Variants in STOX2 observed in about 807,000 individuals in gnomAD.
STOX2 encodes storkhead-box protein 2.
Under a neutral mutation model 60.9 loss-of-function variants are expected in STOX2, and 28 were observed. That is an observed-to-expected ratio of 0.46 (90% CI 0.34 to 0.63). The LOEUF is 0.63. Ranked by LOEUF, STOX2 falls within the 30% of genes least tolerant of loss-of-function variation. STOX2 has a pLI of 0.01. For synonymous variants in STOX2, 472 were observed against 463.9 expected (o/e 1.02, Z -0.22); for missense variants, 1,024 against 1,187.7 (o/e 0.86, Z 2.03).
At chr4:183,946,458 C>A (rs1336518776) in intron 1 of STOX2, among the ~76,000 whole-genome samples, 1 of 152,098 alleles carries the variant, frequency 6.6e-6, no homozygotes, top group African/African-American at 2.4e-5. Context: ...TGAGGATGCT[C>A]AAGTTCCTAG....
intron 1 of STOX2, among the ~76,000 whole-genome samples, chr4:183,892,309 C>T (rs558636246): frequency 9.5e-4 from 144 of 152,288 alleles, no homozygotes; most frequent in African/African-American, 2.9e-3. Flanking sequence ...GACGGAGTCT[C>T]GCTCTGTCGC....
chr4:183,917,405 G>T (rs1214140049), intron 1 of STOX2, among the ~76,000 whole-genome samples: 2 of 152,202 alleles, frequency 1.3e-5, no homozygotes, highest in Non-Finnish European at 2.9e-5. Flanking sequence ...TGGATCTTTG[G>T]TGAAATTATA....
intron 1 of STOX2, among the ~76,000 whole-genome samples, chr4:183,943,184 A>G (rs1342399066): frequency 6.6e-6 from 1 of 152,220 alleles, no homozygotes; most frequent in Non-Finnish European, 1.5e-5. Context: ...ATATTATGGG[A>G]CAGTGACCGT....
intron 1 of STOX2, among the ~76,000 whole-genome samples, chr4:183,837,142 C>T (rs1739730851): frequency 6.6e-6 from 1 of 152,100 alleles, no homozygotes; most frequent in African/African-American, 2.4e-5. Context: ...TTGGAGCTTT[C>T]TCGGGGAGTG....
chr4:183,868,777 G>C (rs1026697085), intron 1 of STOX2, among the ~76,000 whole-genome samples: 1 of 152,186 alleles, frequency 6.6e-6, no homozygotes, highest in Non-Finnish European at 1.5e-5. Flanking sequence ...AACCTCAAAT[G>C]GGTGGAAATA....
Position 184,011,640 on chromosome 4 carries a change from G to C in STOX2, c.2585+217G>C. On this transcript the variant is annotated intron_variant, in intron 3 of 3. Coordinates refer to ENST00000308497, the MANE Select transcript of STOX2 (RefSeq NM_020225.3). This position sits in a 1 kb window ranked among gnomAD's most constrained non-coding sequence, Gnocchi z 4.4. ...AGAGATCACCAATCTGGACTGGTGG[G>C]TTGGCTCCTCCCCTCAAACTTGCAT... The C allele has an allele frequency of 6.6e-7, 1 of 1,504,938 alleles. No homozygotes were observed. Among genetic ancestry groups the C allele is most frequent in the Non-Finnish European group, 8.8e-7 (1 of 1,130,834 alleles). 93.2% of individuals were successfully genotyped at this position (1,504,938 alleles called of 1,614,324 possible). A position where few individuals can be genotyped will look rare whatever the true frequency, so the allele number is the denominator to read the frequency against.
intron 1 of STOX2, among the ~76,000 whole-genome samples, chr4:183,880,825 G>A (rs1462741223): frequency 6.6e-6 from 1 of 152,078 alleles, no homozygotes; most frequent in Non-Finnish European, 1.5e-5. Flanking sequence ...ACATTGTGGG[G>A]TAATATTTTT....
chr4:184,020,130 C>A lies in STOX2; in HGVS notation c.*2846C>A, dbSNP rs1346152725. 6.6e-6 allele frequency: 1 copy of A among 152,064 alleles called. No individual in the cohort carries two copies. Among genetic ancestry groups the A allele is most frequent in the African/African-American group, 2.4e-5 (1 of 41,380 alleles). 9.4% of individuals were successfully genotyped at this position (152,064 alleles called of 1,614,324 possible). A position where few individuals can be genotyped will look rare whatever the true frequency, so the allele number is the denominator to read the frequency against. The stretch of plus-strand genomic sequence containing the variant: ...TCCATAAATTTGATGAAATGGCAGC[C>A]GTGTGTTAAAGTGTATCGTTCAGAA... On this transcript the variant is annotated 3_prime_UTR_variant, in exon 4 of 4. Coordinates refer to ENST00000308497, the MANE Select transcript of STOX2 (RefSeq NM_020225.3).
rs1734049372 is a variant in STOX2, at chr4:184,009,609, A to C, written c.771A>C (p.Lys257Asn). Residue 257 changes from lysine to asparagine, a missense_variant, in exon 3 of 4, where the codon AAA (lysine) becomes AAC (asparagine). Transcript: ENST00000308497. The surrounding 1 kb of genome is among the most constrained non-coding windows in gnomAD (Gnocchi z 4.0). ...AGACAGAAACTCTCTCAAAACCTAA[A>C]GATAGTGAAAAGCAGTCAAAAAAAT... ...SYKTETLSKP[K>N]DSEKQSKKFG... 13 of 1,613,950 alleles carry C rather than the reference A, an allele frequency of 8.1e-6. No homozygotes were observed. In the East Asian group the frequency reaches 2.5e-4, roughly 30 times the overall value.
rs188657322 is a variant in STOX2 at position 183,812,198 on chromosome 4, T to C, written c.364+14143T>C. On this transcript the variant is annotated intron_variant, in intron 1 of 2. Transcript: ENST00000513034. ...CCTTTTGCCTTGGCCTCCCAAAGCATTGGGATTACAGGGGTGAGCCACCAT... is the reference window on the plus strand; with the variant it reads ...CCTTTTGCCTTGGCCTCCCAAAGCACTGGGATTACAGGGGTGAGCCACCAT... Among the ~76,000 whole-genome samples, 282 of 152,312 alleles carry C rather than the reference T, an allele frequency of 1.9e-3. 1 individual carries two copies. The highest frequency in any genetic ancestry group is 0.014 in the Admixed American group (217 of 15,304).
chr4:183,951,073 G>A (rs988814756), intron 1 of STOX2, among the ~76,000 whole-genome samples: 31 of 151,976 alleles, frequency 2.0e-4, no homozygotes, highest in Middle Eastern at 3.4e-3. Flanking sequence ...AAAATTAGCC[G>A]GGCGTGGTGG....
At chr4:183,932,559 A>AT (rs113016739) in intron 1 of STOX2, among the ~76,000 whole-genome samples, 4 of 151,844 alleles carry the variant, frequency 2.6e-5, no homozygotes, top group African/African-American at 7.3e-5. Flanking sequence ...TTTGGCAGGC[A>AT]TTTTTTTCCT....
Position 184,011,422 on chromosome 4 carries a change from C to G in STOX2, c.2584C>G (p.Arg862Gly), listed in dbSNP as rs201760642. 6.2e-7 allele frequency: 1 copy of G among 1,608,220 alleles called. No homozygotes were observed. Among genetic ancestry groups the G allele is most frequent in the African/African-American group, 1.3e-5 (1 of 74,634 alleles). ...ITVDSGFNSP[R>G]TRESLASNTS... ...AGTGGACAGTGGATTCAACTCCCCA[C>G]GGTAGGGAGAGGTGTCTCTGTGCAC... is the stretch of plus-strand genomic sequence containing the variant. Residue 862 changes from arginine (R) to glycine (G), a missense_variant and splice_region_variant, in exon 3 of 4, where the codon CGT (arginine) becomes GGT (glycine). This residue lies in a region of STOX2 where 922 missense variants were observed against 1,058.3 expected (regional missense o/e 0.87). Transcript: ENST00000308497. The surrounding 1 kb of genome is among the most constrained non-coding windows in gnomAD (Gnocchi z 4.4).
intron 1 of STOX2, among the ~76,000 whole-genome samples, chr4:183,864,976 T>G (rs757205073): frequency 1.3e-5 from 2 of 152,234 alleles, no homozygotes; most frequent in Non-Finnish European, 2.9e-5. Flanking sequence ...ATGCTTTTCT[T>G]TCTTCTGCTC....
chr4:183,914,064 C>A (rs776756960), intron 1 of STOX2, among the ~76,000 whole-genome samples: 2 of 152,072 alleles, frequency 1.3e-5, no homozygotes, highest in Non-Finnish European at 2.9e-5. Context: ...CTAGGTACTA[C>A]CCAGAATGAA....
chr4:183,930,637 C>T (rs1216613364), intron 1 of STOX2, among the ~76,000 whole-genome samples: 1 of 152,134 alleles, frequency 6.6e-6, no homozygotes, highest in South Asian at 2.1e-4. Context: ...AGATTACAGG[C>T]GTGAGCCATT....
At chr4:183,877,565 C>T (rs1740857756) in intron 1 of STOX2, among the ~76,000 whole-genome samples, 2 of 152,206 alleles carry the variant, frequency 1.3e-5, no homozygotes, top group South Asian at 4.1e-4. Flanking sequence ...TATGCGTGCT[C>T]TGCACAGTGG....
Position 184,017,335 on chromosome 4 carries a change from G to T in STOX2, c.*51G>T. On this transcript the variant is annotated 3_prime_UTR_variant, in exon 4 of 4. Coordinates refer to ENST00000308497, the MANE Select transcript of STOX2 (RefSeq NM_020225.3). ...TCTCATTCGATACAGCAAAGTTTAC[G>T]ACACTGGGACTGATGTTTACATCTT... The T allele has an allele frequency of 6.9e-7, 1 of 1,441,210 alleles. No homozygotes were observed. Among genetic ancestry groups the T allele is most frequent in the Non-Finnish European group, 9.3e-7 (1 of 1,071,822 alleles). The allele number at this position is 1,441,210 out of a possible 1,614,324, so 89.3% of individuals were successfully genotyped here.
At chr4:183,842,311 A>G (rs1411885652) in intron 1 of STOX2, among the ~76,000 whole-genome samples, 3 of 152,210 alleles carry the variant, frequency 2.0e-5, no homozygotes, top group African/African-American at 7.2e-5. Flanking sequence ...TGAATGGAGT[A>G]TAGAAGACTA....
Sources: gnomAD v4.1 joint callset for allele counts (sites outside exome capture counted in the v4.1 genomes callset) on GRCh38, gnomAD v4.1.1 for gene constraint, gnomAD v4.1.1 regional missense constraint, Gnocchi (gnomAD v3.1) non-coding constraint, MANE v1.5 for transcripts, NCBI Gene and HGNC (gene_info 2026-07-23, HGNC 2026-07-21) for gene names.